The following FMO4 variants were observed in gnomAD, a reference collection of about 807,000 sequenced individuals.
FMO4 encodes dimethylaniline monooxygenase [N-oxide-forming] 4.
Under a neutral mutation model 43.3 loss-of-function variants are expected in FMO4, and 38 were observed. The ratio of observed to expected loss-of-function variants is 0.88; its 90% CI spans 0.68 to 1.15. The LOEUF (loss-of-function observed/expected upper bound fraction) is 1.15. FMO4 is among the 50% of genes most tolerant of loss of function. FMO4 has a pLI of 0.00. For synonymous variants in FMO4, 224 were observed against 232.2 expected, an observed-to-expected ratio of 0.96 and a Z score of 0.32; for missense variants, 631 against 663.3, an observed-to-expected ratio of 0.95 and a Z score of 0.54.
chr1:171,336,961 GCACA>G (rs35512975), intron 8 of FMO4, among the ~76,000 whole-genome samples: 6,427 of 147,070 alleles, frequency 0.044, 424 homozygotes, highest in African/African-American at 0.15. Context: ...ACACAAACAT[GCACA>G]CACACACACA....
chr1:171,328,836 T>C (rs1484603738), intron 5 of FMO4, among the ~76,000 whole-genome samples: 1 of 152,066 alleles, frequency 6.6e-6, no homozygotes, highest in African/African-American at 2.4e-5. Flanking sequence ...GGCTTGTCCT[T>C]CCGTTGCCCC....
At chr1:171,320,925 G>A (rs1468462061) in intron 3 of FMO4, among the ~76,000 whole-genome samples, 3 of 152,286 alleles carry the variant, frequency 2.0e-5, no homozygotes, top group East Asian at 3.9e-4. Flanking sequence ...GCGTGAGAGA[G>A]AAGCCTTCAT....
chr1:171,337,356 G>T lies in FMO4; in HGVS notation c.1181G>T (p.Gly394Val). 2 of 1,606,394 alleles carry T rather than the reference G, an allele frequency of 1.2e-6. No homozygotes were observed. Among genetic ancestry groups the T allele is most frequent in the Admixed American group, 1.7e-5 (1 of 59,950 alleles). Residue 394 changes from glycine (G) to valine (V), a missense_variant and splice_region_variant, in exon 9 of 10, where the codon GGA becomes GTA. Physicochemically the swap from Gly to Val is moderately radical, Grantham distance 109. Coordinates refer to ENST00000367749, the MANE Select transcript of FMO4 (RefSeq NM_002022.3). ...QARWVTRVFK[G>V]LCKIPPSQKL... ...GTGTTGTTTGTGATTTTTCCCACAG[G>T]ACTCTGTAAGATACCTCCATCCCAA...
intron 5 of FMO4, among the ~76,000 whole-genome samples, chr1:171,329,291 T>C (rs1426184432): frequency 1.3e-5 from 2 of 152,148 alleles, no homozygotes; most frequent in African/African-American, 4.8e-5. Context: ...AGAGAGACGC[T>C]TTGTTACTGG....
chr1:171,318,316 A>AAAT lies in FMO4; in HGVS notation c.-8-1476_-8-1474dup, dbSNP rs536741358. On this transcript the variant is annotated intron_variant, in intron 2 of 9. Transcript: ENST00000367749. ...TGGGTGACAGAGCAAGACTGTCTCA[A>AAAT]AATAATAATAATAATAATAATAATA... Among the ~76,000 whole-genome samples, 1,418 of 149,022 alleles carry AAAT rather than the reference A, an allele frequency of 9.5e-3. 19 individuals carry two copies. The highest frequency in any genetic ancestry group is 0.025 in the African/African-American group (986 of 39,870).
rs199674787 is a variant in FMO4, at chr1:171,320,834, AC to A, written c.132+878del. Among the ~76,000 whole-genome samples the A allele has an allele frequency of 6.2e-3, 926 of 149,708 alleles. 13 individuals carry two copies. Among genetic ancestry groups the A allele is most frequent in the African/African-American group, 0.021 (825 of 39,084 alleles). ...CTACAAAAAATAAAATGAAAAACAA[AC>A]AAAAAAAATAAGATGGAAGCTAGGC... is the stretch of plus-strand genomic sequence containing the variant. On this transcript the variant is annotated intron_variant, in intron 3 of 9. Transcript: ENST00000367749.
rs1006693868 is a variant in FMO4 at position 171,333,835 on chromosome 1, T to G, written c.828-576T>G. Among the ~76,000 whole-genome samples, 3 of 152,134 alleles carry G rather than the reference T, an allele frequency of 2.0e-5. 1 individual carries two copies. Among genetic ancestry groups the G allele is most frequent in the Non-Finnish European group, 2.9e-5 (2 of 68,026 alleles). On this transcript the variant is annotated intron_variant, in intron 7 of 9. Coordinates refer to ENST00000367749, the MANE Select transcript of FMO4 (RefSeq NM_002022.3). Reference sequence around the variant, plus strand: ...CTGAAAATATGTATCAGTATAAATTTTTTTTAATGGAGTCTCACTCTGTTG... The same window carrying G: ...CTGAAAATATGTATCAGTATAAATTGTTTTTAATGGAGTCTCACTCTGTTG...
chr1:171,322,383 A>G (rs1207608966), intron 3 of FMO4, among the ~76,000 whole-genome samples: 2 of 152,216 alleles, frequency 1.3e-5, no homozygotes, highest in Admixed American at 6.5e-5. Context: ...ACAGATAATA[A>G]GCCCTGCATT....
At chr1:171,320,415 G>A (rs1430451691) in intron 3 of FMO4, among the ~76,000 whole-genome samples, 1 of 152,160 alleles carries the variant, frequency 6.6e-6, no homozygotes, top group Non-Finnish European at 1.5e-5. Flanking sequence ...GTGAGGCATG[G>A]CCCCAGATCT....
At chr1:171,328,447 T>C (rs1292964083) in intron 5 of FMO4, among the ~76,000 whole-genome samples, 1 of 152,008 alleles carries the variant, frequency 6.6e-6, no homozygotes, top group African/African-American at 2.4e-5. Flanking sequence ...GGCCAGGAGT[T>C]TGAGACCAGC....
At chr1:171,327,485 ATC>A (rs1662716238) in intron 5 of FMO4, among the ~76,000 whole-genome samples, 1 of 152,010 alleles carries the variant, frequency 6.6e-6, no homozygotes, top group African/African-American at 2.4e-5. Context: ...TTGCACTGCA[ATC>A]TCAGCAGTGC....
intron 1 of FMO4, among the ~76,000 whole-genome samples, chr1:171,315,020 G>A (rs534800131): frequency 2.6e-5 from 4 of 152,238 alleles, no homozygotes; most frequent in African/African-American, 4.8e-5. Context: ...TGGCTGGCAC[G>A]GTGGCTCACG....
Position 171,331,723 on chromosome 1 carries a change from A to G in FMO4, c.568A>G (p.Ile190Val). 1.6e-5 allele frequency: 26 copies of G among 1,613,966 alleles called. No homozygotes were observed. The highest frequency in any genetic ancestry group is 2.2e-5 in the Non-Finnish European group (26 of 1,179,880). Residue 190 changes from isoleucine (I) to valine (V), a missense_variant, in exon 6 of 10, where the codon ATT (isoleucine) becomes GTT (valine). By Grantham distance (29) the Ile-to-Val change is conservative. Coordinates refer to ENST00000367749, the MANE Select transcript of FMO4 (RefSeq NM_002022.3). ...EGFQGKRVLV[I>V]GLGNTGGDIA... is the part of the protein sequence containing the mutation. ...CTTTCAGGGCAAACGCGTCTTGGTG[A>G]TTGGTCTTGGGAACACTGGAGGAGA... is the stretch of plus-strand genomic sequence containing the variant.
chr1:171,340,445 C>G (rs1663324465), intron 9 of FMO4, among the ~76,000 whole-genome samples: 1 of 152,130 alleles, frequency 6.6e-6, no homozygotes, highest in African/African-American at 2.4e-5. Flanking sequence ...ACAAAAAACC[C>G]AGTGCGCCTG....
rs543086609 is a variant in FMO4, at chr1:171,318,862, C to T, written c.-8-956C>T. ...GTTCCCTGAGCCCCCGCAGAACTTG[C>T]TACAGGGGTGTGGCTTGTTTGCATG... is the stretch of plus-strand genomic sequence containing the variant. On this transcript the variant is annotated intron_variant, in intron 2 of 9. Coordinates refer to ENST00000367749, the MANE Select transcript of FMO4 (RefSeq NM_002022.3). Among the ~76,000 whole-genome samples the T allele has an allele frequency of 2.0e-5, 3 of 152,270 alleles. No homozygotes were observed. In the East Asian group the frequency reaches 5.8e-4, roughly 29 times the overall value.
intron 3 of FMO4, 77 bp downstream of exon 3, chr1:171,320,034 C>T (rs1323299720): frequency 1.3e-6 from 2 of 1,541,676 alleles, no homozygotes; most frequent in Non-Finnish European, 1.8e-6. Flanking sequence ...TTTAGCCTGC[C>T]TTGGTGATCA....
chr1:171,319,370 T>C (rs1335035091), intron 2 of FMO4, among the ~76,000 whole-genome samples: 2 of 152,174 alleles, frequency 1.3e-5, no homozygotes, highest in African/African-American at 4.8e-5. Flanking sequence ...TTGGGGTTTA[T>C]ATGGGCATGG....
rs869107866 is a variant in FMO4 at position 171,325,817 on chromosome 1, C to CT, written c.484+1565dup. ...TAAATTCAGTTCCACATAGACTATC[C>CT]TTTTTTTTTTTTTTTTTTTTTTTTT... On this transcript the variant is annotated intron_variant, in intron 5 of 9. Transcript: ENST00000367749. Among the ~76,000 whole-genome samples the CT allele has an allele frequency of 5.9e-5, 3 of 51,032 alleles. 1 individual carries two copies. The highest frequency in any genetic ancestry group is 8.1e-5 in the Non-Finnish European group (2 of 24,830). 33.5% of individuals were successfully genotyped at this position (51,032 alleles called of 152,430 possible).
In FMO4 at chr1:171,334,747, C is replaced by A; in HGVS notation, c.1164C>A (p.Val388=). 1.3e-6 allele frequency: 2 copies of A among 1,568,146 alleles called. No homozygotes were observed. Among genetic ancestry groups the A allele is most frequent in the Non-Finnish European group, 1.7e-6 (2 of 1,161,954 alleles). ...LSGTELQARW[V]TRVFKGLCKI... ...GCACAGAGCTCCAAGCACGATGGGT[C>A]ACAAGAGTATTCAAAGGTACCATGA... The change falls in exon 8 of 10, where the codon GTC becomes GTA. Residue 388 remains valine, a synonymous_variant. Transcript: ENST00000367749.
Sources: gnomAD v4.1 joint callset for allele counts (sites outside exome capture counted in the v4.1 genomes callset) on GRCh38, gnomAD v4.1.1 for gene constraint, MANE v1.5 for transcripts, NCBI Gene and HGNC (gene_info 2026-07-23, HGNC 2026-07-21) for gene names.